Variants in SATB2 observed in about 807,000 individuals in gnomAD.
SATB2 encodes the protein DNA-binding protein SATB2.
A neutral mutation model predicts 73.4 loss-of-function variants in SATB2; 1 was observed. The observed-to-expected ratio is 0.01, with a 90% confidence interval of 0.00 to 0.06. The LOEUF is 0.06. SATB2 is among the 10% of genes least tolerant of loss of function. The probability of loss-of-function intolerance (pLI) is 1.00; values close to 1 mark genes in which losing one functional copy is unlikely to be tolerated. For missense variants in SATB2, 459 were observed against 945.8 expected (o/e 0.49, Z 6.75); for synonymous variants, 397 against 367.0 (o/e 1.08, Z -0.93).
chr2:199,328,866 T>G lies in SATB2; in HGVS notation c.1218A>C (p.Thr406=). 1 of 1,613,998 alleles carries G rather than the reference T, an allele frequency of 6.2e-7. No individual in the cohort carries two copies. Among genetic ancestry groups the G allele is most frequent in the Non-Finnish European group, 8.5e-7 (1 of 1,179,920 alleles). The change falls in exon 8 of 11, where the codon ACA becomes ACC. Residue 406 remains threonine (T), a synonymous_variant. Transcript: ENST00000417098. ...GGTTTACTAGAAGAGACTGAGAGGC[T>G]GTCCGAGGGTCTTCTTCCTTACGCA... is the stretch of plus-strand genomic sequence containing the variant. ...EILRKEEDPR[T]ASQSLLVNLR...
upstream of SATB2, among the ~76,000 whole-genome samples, chr2:199,466,593 C>T (rs997073193): frequency 6.6e-6 from 1 of 152,210 alleles, no homozygotes; most frequent in African/African-American, 2.4e-5. Context: ...TAGCTCAGAG[C>T]CTCAGCAATG....
intron 8 of SATB2, 52 bp downstream of exon 8, chr2:199,328,646 G>A: frequency 7.2e-7 from 1 of 1,385,974 alleles, no homozygotes; most frequent in East Asian, 2.3e-5. Flanking sequence ...ACTAGTGAAG[G>A]CAAGATGTTT....
rs1440841626 is a variant in SATB2, at chr2:199,463,921, C to T, written c.-141+915G>A. Among the ~76,000 whole-genome samples the T allele has an allele frequency of 6.6e-6, 1 of 152,190 alleles. No homozygotes were observed. Among genetic ancestry groups the T allele is most frequent in the East Asian group, 1.9e-4 (1 of 5,178 alleles). On this transcript the variant is annotated intron_variant, in intron 1 of 11. Coordinates refer to the SATB2 transcript ENST00000260926. This position sits in a 1 kb window ranked among gnomAD's most constrained non-coding sequence, Gnocchi z 6.4. The stretch of plus-strand genomic sequence containing the variant: ...GCAGCCGGGTGCAAGGGGGCCCAAA[C>T]CGCAGTTGCCTCCCGAACGCTTTGA...
At chr2:199,458,754 A>ACCCCCCCCCCCCCC, upstream of SATB2, 1 of 312,572 alleles carries the variant, frequency 3.2e-6, no homozygotes, top group Non-Finnish European at 6.3e-6. Flanking sequence ...CGCCTCCCCC[A>ACCCCCCCCCCCCCC]CCCACCGCCT....
At chr2:199,434,264 TGGAAA>T (rs1002949895) in intron 2 of SATB2, among the ~76,000 whole-genome samples, 39 of 152,170 alleles carry the variant, frequency 2.6e-4, no homozygotes, top group African/African-American at 9.2e-4. Flanking sequence ...CATCAGTTAC[TGGAAA>T]GGGAGTATCT....
intron 10 of SATB2, among the ~76,000 whole-genome samples, chr2:199,293,933 C>T (rs980688345): frequency 6.6e-6 from 1 of 151,450 alleles, no homozygotes; most frequent in Non-Finnish European, 1.5e-5. Flanking sequence ...TATTTCCTTT[C>T]AAGAAGAGAA....
chr2:199,349,193 A>T lies in SATB2; in HGVS notation c.701-20T>A. 6.6e-7 allele frequency: 1 copy of T among 1,525,560 alleles called. No homozygotes were observed. Among genetic ancestry groups the T allele is most frequent in the Admixed American group, 1.8e-5 (1 of 56,730 alleles). The allele number at this position is 1,525,560 out of a possible 1,614,324, so 94.5% of individuals were successfully genotyped here. A position where few individuals can be genotyped will look rare whatever the true frequency, so the allele number is the denominator to read the frequency against. On this transcript the variant is annotated intron_variant, in intron 6 of 10. Transcript: ENST00000417098. ...TTTCCACTGTTAAGAGATAAAAGTG[A>T]TAATTAATCATTATTTTCATTGGTA...
intron 3 of SATB2, among the ~76,000 whole-genome samples, chr2:199,385,159 G>A (rs1689892468): frequency 6.6e-6 from 1 of 151,928 alleles, no homozygotes; most frequent in Admixed American, 6.6e-5. Flanking sequence ...TTCTGACACA[G>A]GGTCTGGCTC....
upstream of SATB2, chr2:199,459,845 ACTCGCC>A (rs11277735): frequency 1 from 151,922 of 152,582 alleles, 75,639 homozygotes; most frequent in Middle Eastern, 1. This position sits in a 1 kb window ranked among gnomAD's most constrained non-coding sequence, Gnocchi z 4.2. Context: ...GCTGCCTTCC[ACTCGCC>A]CTCGCCGCAT....
intron 3 of SATB2, among the ~76,000 whole-genome samples, chr2:199,427,270 A>G (rs966697696): frequency 3.3e-5 from 5 of 152,212 alleles, no homozygotes; most frequent in South Asian, 4.1e-4. Flanking sequence ...GAATTAAAGC[A>G]GCAAACCTAA....
At chr2:199,451,603 C>A (rs189777910) in intron 2 of SATB2, among the ~76,000 whole-genome samples, 172 of 152,080 alleles carry the variant, frequency 1.1e-3, no homozygotes, top group Non-Finnish European at 2.2e-3. Flanking sequence ...ATTTTATAAT[C>A]TCAATATATA....
chr2:199,447,345 G>A lies in SATB2; in HGVS notation c.169+8524C>T, dbSNP rs980933020. Among the ~76,000 whole-genome samples the A allele has an allele frequency of 2.6e-5, 4 of 152,176 alleles. 1 individual carries two copies. The East Asian group carries it at 7.7e-4, about 29-fold the overall frequency. On this transcript the variant is annotated intron_variant, in intron 2 of 10. Coordinates refer to ENST00000417098, the MANE Select transcript of SATB2 (RefSeq NM_001172509.2). ...CCTCTGCATTTCAGGTGACAGTCAG[G>A]TGAGTACACCTCAGGTGATGTGCCC...
At chr2:199,275,135 C>T (rs1235875740) in intron 10 of SATB2, among the ~76,000 whole-genome samples, 14 of 152,114 alleles carry the variant, frequency 9.2e-5, no homozygotes, top group Admixed American at 2.6e-4. Context: ...GTCAGCATAA[C>T]GGTTCCATTT....
At chr2:199,353,980 T>C (rs1034649969) in intron 6 of SATB2, among the ~76,000 whole-genome samples, 6 of 152,218 alleles carry the variant, frequency 3.9e-5, no homozygotes, top group African/African-American at 1.4e-4. Context: ...TAGTGCTGTC[T>C]CTGACGGTGA....
At position 199,296,956 on chromosome 2, in the gene SATB2, T is replaced by C. The variant is rs962111989; in HGVS notation, c.1740+11804A>G. 2.0e-5 allele frequency among the ~76,000 whole-genome samples: 3 copies of C among 152,192 alleles called. No homozygotes were observed. In the South Asian group the frequency reaches 6.2e-4, roughly 31 times the overall value. ...ATCCTCAGTGTGGGGGCAATAATCA[T>C]ATAGAAAAATTTTAAATATTTGGAA... On this transcript the variant is annotated intron_variant, in intron 10 of 10. Coordinates refer to ENST00000417098, the MANE Select transcript of SATB2 (RefSeq NM_001172509.2).
intron 3 of SATB2, among the ~76,000 whole-genome samples, chr2:199,422,419 A>G (rs1426634927): frequency 6.6e-6 from 1 of 152,112 alleles, no homozygotes. Context: ...GTCTAACAAA[A>G]CAGGCTCTTA....
chr2:199,416,816 C>G (rs1439373331), intron 3 of SATB2, among the ~76,000 whole-genome samples: 1 of 152,106 alleles, frequency 6.6e-6, no homozygotes, highest in Non-Finnish European at 1.5e-5. Flanking sequence ...GCAGGCGGAT[C>G]ATGAGGTCAG....
chr2:199,412,015 C>T (rs1690834561), intron 3 of SATB2, among the ~76,000 whole-genome samples: 1 of 152,150 alleles, frequency 6.6e-6, no homozygotes, highest in East Asian at 1.9e-4. Flanking sequence ...GGGCATCTGA[C>T]AAACTACAGA....
At position 199,271,437 on chromosome 2, in the gene SATB2, A is replaced by G. The variant is rs181138294; in HGVS notation, c.*774T>C. ...TGTCTTTAAGATTTATTTGACTTGT[A>G]TCATTTTAATGTGCCCTGATTGTTT... On this transcript the variant is annotated 3_prime_UTR_variant, in exon 11 of 11. Transcript: ENST00000417098. 287 of 150,500 alleles carry G rather than the reference A, an allele frequency of 1.9e-3. 3 individuals carry two copies. Among genetic ancestry groups the G allele is most frequent in the East Asian group, 0.018 (95 of 5,266 alleles). 9.3% of individuals were successfully genotyped at this position (150,500 alleles called of 1,614,324 possible). A position where few individuals can be genotyped will look rare whatever the true frequency, so the allele number is the denominator to read the frequency against.
Sources: gnomAD v4.1 joint callset for allele counts (sites outside exome capture counted in the v4.1 genomes callset) on GRCh38, gnomAD v4.1.1 for gene constraint, Gnocchi (gnomAD v3.1) non-coding constraint, MANE v1.5 for transcripts, NCBI Gene and HGNC (gene_info 2026-07-23, HGNC 2026-07-21) for gene names.